The following PKIB variants were observed in gnomAD, a reference collection of about 807,000 sequenced individuals.
PKIB encodes the protein cAMP-dependent protein kinase inhibitor beta.
In PKIB, 2 loss-of-function variants were observed where a neutral mutation model predicts 4.5. That is an observed-to-expected ratio of 0.44 (90% CI 0.18 to 1.39). The LOEUF is 1.39. PKIB is among the 40% of genes most tolerant of loss of function. The pLI is 0.27. For synonymous variants in PKIB, 38 were observed against 36.0 expected (o/e 1.06, Z -0.20); for missense variants, 94 against 92.6 (o/e 1.02, Z -0.06).
In PKIB at chr6:122,484,819, A is replaced by G. The variant is rs117051540; in HGVS notation, c.-248+6880A>G. On this transcript the variant is annotated intron_variant, in intron 2 of 6. Transcript: ENST00000392491. The stretch of plus-strand genomic sequence containing the variant: ...GGTCTGAGAAGGACTCCGTACTTCT[A>G]TATTTGAGTCCTTGTGGATGAGCTG... Among the ~76,000 whole-genome samples the G allele has an allele frequency of 2.2e-3, 341 of 152,324 alleles. 8 individuals carry two copies. The East Asian group carries it at 0.044, about 19-fold the overall frequency.
intron 2 of PKIB, among the ~76,000 whole-genome samples, chr6:122,666,284 T>G (rs2114929277): frequency 6.6e-6 from 1 of 152,280 alleles, no homozygotes; most frequent in African/African-American, 2.4e-5. Context: ...TTCCAACAGG[T>G]TACCTATGCA....
intron 2 of PKIB, among the ~76,000 whole-genome samples, chr6:122,669,524 A>G (rs1777368076): frequency 6.6e-6 from 1 of 151,904 alleles, no homozygotes. Flanking sequence ...AGAATACCCC[A>G]TCATTCAGCT....
chr6:122,491,916 A>G (rs1295611826), intron 2 of PKIB, among the ~76,000 whole-genome samples: 1 of 152,188 alleles, frequency 6.6e-6, no homozygotes, highest in Non-Finnish European at 1.5e-5. Flanking sequence ...TTTTACAGTC[A>G]GCAAATTTTC....
At chr6:122,668,633 C>A (rs1777327146) in intron 2 of PKIB, among the ~76,000 whole-genome samples, 1 of 152,152 alleles carries the variant, frequency 6.6e-6, no homozygotes, top group African/African-American at 2.4e-5. Flanking sequence ...TAAAAAATGT[C>A]CTCCTGGTTG....
intron 2 of PKIB, among the ~76,000 whole-genome samples, chr6:122,660,484 C>G (rs1457913607): frequency 6.6e-6 from 1 of 152,114 alleles, no homozygotes; most frequent in East Asian, 1.9e-4. Flanking sequence ...ACAGACTAAA[C>G]CACAGATACG....
At chr6:122,658,389 C>T (rs896723917) in intron 2 of PKIB, among the ~76,000 whole-genome samples, 2 of 152,172 alleles carry the variant, frequency 1.3e-5, no homozygotes, top group Non-Finnish European at 2.9e-5. Flanking sequence ...CTACATCTTA[C>T]TCTACCACAG....
intron 2 of PKIB, among the ~76,000 whole-genome samples, chr6:122,654,043 A>G (rs1300344685): frequency 2.0e-5 from 3 of 152,178 alleles, no homozygotes; most frequent in East Asian, 1.9e-4. Context: ...CCCGTCTCCA[A>G]TTATGGTCAG....
chr6:122,490,439 A>C (rs1775906277), intron 2 of PKIB, among the ~76,000 whole-genome samples: 1 of 152,128 alleles, frequency 6.6e-6, no homozygotes, highest in Admixed American at 6.5e-5. Context: ...TTATGTTGAA[A>C]TATGATTCCA....
chr6:122,523,991 G>A (rs949824993), intron 2 of PKIB, among the ~76,000 whole-genome samples: 4 of 152,094 alleles, frequency 2.6e-5, no homozygotes, highest in Non-Finnish European at 5.9e-5. Context: ...CAGTACAGTG[G>A]TGTATACCCC....
chr6:122,590,668 T>C (rs970748290), intron 3 of PKIB, among the ~76,000 whole-genome samples: 1 of 152,120 alleles, frequency 6.6e-6, no homozygotes, highest in Non-Finnish European at 1.5e-5. Context: ...ACACCAAAGA[T>C]ATGAGAATTT....
intron 2 of PKIB, among the ~76,000 whole-genome samples, chr6:122,674,048 G>C (rs1403747575): frequency 6.6e-6 from 1 of 152,150 alleles, no homozygotes; most frequent in Non-Finnish European, 1.5e-5. Context: ...CAGAAATAAA[G>C]CACAGGATTC....
intron 2 of PKIB, among the ~76,000 whole-genome samples, chr6:122,638,536 T>C (rs1776014308): frequency 6.6e-6 from 1 of 152,210 alleles, no homozygotes. Context: ...TAGCAGTCTC[T>C]CAGCTGACAG....
At chr6:122,511,164 C>A (rs946609308) in intron 2 of PKIB, among the ~76,000 whole-genome samples, 1 of 152,180 alleles carries the variant, frequency 6.6e-6, no homozygotes, top group South Asian at 2.1e-4. Context: ...ACCAAACTGA[C>A]CAAACAGGCA....
At chr6:122,614,852 G>T (rs1470342859) in intron 1 of PKIB, among the ~76,000 whole-genome samples, 3 of 152,102 alleles carry the variant, frequency 2.0e-5, no homozygotes, top group Non-Finnish European at 4.4e-5. Context: ...AATTACATTA[G>T]TGTATTACAT....
chr6:122,568,257 G>A (rs564919265), intron 2 of PKIB, among the ~76,000 whole-genome samples: 1 of 152,296 alleles, frequency 6.6e-6, no homozygotes, highest in South Asian at 2.1e-4. Context: ...ACAGAATAGT[G>A]TGTAGAGATT....
intron 2 of PKIB, among the ~76,000 whole-genome samples, chr6:122,492,263 G>A (rs1775958160): frequency 6.6e-6 from 1 of 152,176 alleles, no homozygotes; most frequent in Non-Finnish European, 1.5e-5. Context: ...AGCATATTGA[G>A]AGAATCTCTG....
chr6:122,505,015 A>AAT (rs1776354530), intron 2 of PKIB, among the ~76,000 whole-genome samples: 1 of 152,200 alleles, frequency 6.6e-6, no homozygotes, highest in Non-Finnish European at 1.5e-5. Context: ...TATTGAGTAC[A>AAT]ATCACTTAGA....
At chr6:122,625,620 G>A (rs1424046460) in intron 1 of PKIB, among the ~76,000 whole-genome samples, 8 of 150,656 alleles carry the variant, frequency 5.3e-5, no homozygotes, top group East Asian at 2.0e-4. Flanking sequence ...CCTGGGCAAC[G>A]GAAAGACTCT....
intron 3 of PKIB, among the ~76,000 whole-genome samples, chr6:122,601,408 CTT>C (rs971400482): frequency 9.2e-5 from 14 of 151,938 alleles, no homozygotes; most frequent in African/African-American, 3.4e-4. Context: ...AGTTAAGCAA[CTT>C]TTTTAAAGTA....
Sources: allele counts gnomAD v4.1 joint callset (sites outside exome capture counted in the v4.1 genomes callset), GRCh38; gene constraint gnomAD v4.1.1; transcripts MANE v1.5; gene names NCBI Gene and HGNC (gene_info 2026-07-23, HGNC 2026-07-21).